PCDH7: variants seen among roughly 807,000 people sequenced by gnomAD.
PCDH7 encodes protocadherin-7.
A neutral mutation model predicts 58.9 loss-of-function variants in PCDH7; 17 were observed. The observed-to-expected ratio is 0.29, with a 90% CI of 0.20 to 0.43. PCDH7 has a LOEUF of 0.43. PCDH7 is among the 20% of genes least tolerant of loss of function. The probability of loss-of-function intolerance (pLI) is 1.00; values close to 1 mark genes in which losing one functional copy is unlikely to be tolerated. For synonymous variants in PCDH7, 664 were observed against 616.4 expected (o/e 1.08, Z -1.14); for missense variants, 1,274 against 1,441.0 (o/e 0.88, Z 1.88).
intron 3 of PCDH7, among the ~76,000 whole-genome samples, chr4:31,037,001 G>A (rs968534531): frequency 6.6e-6 from 1 of 152,028 alleles, no homozygotes; most frequent in East Asian, 1.9e-4. Flanking sequence ...CCACCCCCCT[G>A]ATTCAATTAC....
At chr4:31,010,752 G>A (rs1173327384) in intron 3 of PCDH7, among the ~76,000 whole-genome samples, 1 of 151,788 alleles carries the variant, frequency 6.6e-6, no homozygotes, top group Non-Finnish European at 1.5e-5. Flanking sequence ...AAGGCAGGTA[G>A]GAGCATGTTT....
At chr4:31,060,689 A>G (rs1465925217) in intron 3 of PCDH7, among the ~76,000 whole-genome samples, 1 of 151,762 alleles carries the variant, frequency 6.6e-6, no homozygotes, top group Non-Finnish European at 1.5e-5. Context: ...GTTAGTGTGT[A>G]ATTTCTTCTT....
At chr4:30,815,035 T>G (rs1372653986) in intron 1 of PCDH7, among the ~76,000 whole-genome samples, 1 of 152,036 alleles carries the variant, frequency 6.6e-6, no homozygotes, top group African/African-American at 2.4e-5. Flanking sequence ...AGCAGTATAT[T>G]AATAAAAAAG....
intron 3 of PCDH7, among the ~76,000 whole-genome samples, chr4:31,069,865 T>TTGATGG (rs879494393): frequency 0.23 from 35,502 of 151,228 alleles, 4,395 homozygotes; most frequent in South Asian, 0.33. Context: ...AATCTCAAAT[T>TTGATGG]TTCTCCACTT....
chr4:30,802,595 G>A (rs563729202), intron 1 of PCDH7, among the ~76,000 whole-genome samples: 4 of 152,154 alleles, frequency 2.6e-5, no homozygotes, highest in Non-Finnish European at 5.9e-5. Context: ...AGATCCAGAT[G>A]AATAAAGATG....
intron 3 of PCDH7, among the ~76,000 whole-genome samples, chr4:31,101,000 T>G (rs1221112302): frequency 6.6e-6 from 1 of 152,140 alleles, no homozygotes; most frequent in Non-Finnish European, 1.5e-5. Flanking sequence ...TGAATCATAT[T>G]CAAAATCACC....
chr4:30,784,423 T>C (rs983818435), intron 1 of PCDH7, among the ~76,000 whole-genome samples: 5 of 152,196 alleles, frequency 3.3e-5, no homozygotes, highest in Non-Finnish European at 7.3e-5. Flanking sequence ...CCTGTTCTTA[T>C]GTAGTTAACA....
intron 3 of PCDH7, among the ~76,000 whole-genome samples, chr4:31,005,872 C>A (rs1254039288): frequency 6.6e-6 from 1 of 152,138 alleles, no homozygotes; most frequent in Non-Finnish European, 1.5e-5. Context: ...TTGGATGGTG[C>A]TGATACAGAG....
At chr4:30,754,656 AT>A (rs1415464941) in intron 1 of PCDH7, among the ~76,000 whole-genome samples, 3 of 152,138 alleles carry the variant, frequency 2.0e-5, no homozygotes, top group African/African-American at 7.2e-5. Flanking sequence ...GAGATTCATC[AT>A]TTTCTATATG....
At chr4:31,001,324 C>A (rs1752347634) in intron 3 of PCDH7, among the ~76,000 whole-genome samples, 1 of 151,926 alleles carries the variant, frequency 6.6e-6, no homozygotes. Context: ...ATATTTTAAA[C>A]CTGGTTAAAT....
At chr4:30,775,344 T>G (rs1721920610) in intron 1 of PCDH7, among the ~76,000 whole-genome samples, 1 of 152,130 alleles carries the variant, frequency 6.6e-6, no homozygotes, top group Admixed American at 6.5e-5. Context: ...GGGAATAAGT[T>G]CCATCTATGA....
At chr4:30,856,582 TA>T (rs927041687) in intron 1 of PCDH7, among the ~76,000 whole-genome samples, 1 of 151,726 alleles carries the variant, frequency 6.6e-6, no homozygotes, top group Non-Finnish European at 1.5e-5. Context: ...TTATAAAATA[TA>T]AAATCACAAT....
chr4:30,884,714 A>G (rs1275097571), intron 1 of PCDH7: 1 of 152,166 alleles, frequency 6.6e-6, no homozygotes, highest in African/African-American at 2.4e-5. Context: ...AACGCCTCCT[A>G]GTTTGTTAGG....
intron 1 of PCDH7, among the ~76,000 whole-genome samples, chr4:30,913,073 T>C (rs1741994621): frequency 6.6e-6 from 1 of 151,120 alleles, no homozygotes; most frequent in Non-Finnish European, 1.5e-5. Flanking sequence ...TTGGAAACTA[T>C]ACAGGAACTT....
At chr4:30,865,320 G>C (rs1734737848) in intron 1 of PCDH7, among the ~76,000 whole-genome samples, 1 of 152,048 alleles carries the variant, frequency 6.6e-6, no homozygotes, top group South Asian at 2.1e-4. Context: ...GTAGTGTTCA[G>C]GAGAGTGATC....
rs577165592 is a variant in PCDH7, at chr4:30,922,740, A to G, written c.287+2371A>G. On this transcript the variant is annotated intron_variant, in intron 2 of 3. Transcript: ENST00000509759. ...ATTTTGTATGTGACCAACACTTGAA[A>G]GTCAGAGTTTATATGACCATTTGTC... Among the ~76,000 whole-genome samples the G allele has an allele frequency of 2.0e-5, 3 of 152,276 alleles. No homozygotes were observed. The East Asian group carries it at 5.8e-4, about 29-fold the overall frequency.
At chr4:30,824,139 CTT>C (rs1560407973) in intron 1 of PCDH7, among the ~76,000 whole-genome samples, 1 of 138,154 alleles carries the variant, frequency 7.2e-6, no homozygotes, top group East Asian at 2.2e-4. Flanking sequence ...TTCTTTCTTT[CTT>C]TCTTTCTTTC....
chr4:30,997,918 T>C (rs546234113), intron 3 of PCDH7, among the ~76,000 whole-genome samples: 1 of 152,220 alleles, frequency 6.6e-6, no homozygotes, highest in African/African-American at 2.4e-5. Context: ...TGTTTGTGTG[T>C]GTGGAGGCTT....
intron 1 of PCDH7, among the ~76,000 whole-genome samples, chr4:30,744,727 T>C (rs1015918659): frequency 2.0e-5 from 3 of 152,198 alleles, no homozygotes; most frequent in African/African-American, 7.2e-5. Context: ...ACCTTGGCCA[T>C]AGGGCATCAA....
Sources: allele counts gnomAD v4.1 joint callset (sites outside exome capture counted in the v4.1 genomes callset), GRCh38; gene constraint gnomAD v4.1.1; transcripts MANE v1.5; gene names NCBI Gene and HGNC (gene_info 2026-07-23, HGNC 2026-07-21).